Variants in SEPTIN9 observed in about 807,000 individuals in gnomAD.
SEPTIN9 encodes septin 9.
In SEPTIN9, 13 loss-of-function variants were observed where a neutral mutation model predicts 56.6. The ratio of observed to expected loss-of-function variants is 0.23; its 90% CI spans 0.15 to 0.37. The LOEUF (loss-of-function observed/expected upper bound fraction) is 0.37. SEPTIN9 is among the 10% of genes least tolerant of loss of function. The pLI is 1.00. For missense variants in SEPTIN9, 650 were observed against 823.1 expected, an observed-to-expected ratio of 0.79 and a Z score of 2.57; for synonymous variants, 332 against 334.1, an observed-to-expected ratio of 0.99 and a Z score of 0.07.
intron 2 of SEPTIN9, among the ~76,000 whole-genome samples, chr17:77,390,485 T>C (rs1203878146): frequency 2.5e-5 from 3 of 121,018 alleles, no homozygotes; most frequent in East Asian, 2.7e-4. Flanking sequence ...GGAGTCTCGC[T>C]CTGTCGCCCA....
In SEPTIN9 at chr17:77,475,436, C is replaced by T. The variant is rs2039168126; in HGVS notation, c.722-6708C>T. On this transcript the variant is annotated intron_variant, in intron 3 of 11. Transcript: ENST00000427177. This position sits in a 1 kb window ranked among gnomAD's most constrained non-coding sequence, Gnocchi z 4.6. Reference sequence around the variant, plus strand: ...GACACTGTCCTCCTAGCATTGCCTGCATCAGGGACTCACTCAGCTTTAAGA... The same window carrying T: ...GACACTGTCCTCCTAGCATTGCCTGTATCAGGGACTCACTCAGCTTTAAGA... 5 of 1,515,828 alleles carry T rather than the reference C, an allele frequency of 3.3e-6. No homozygotes were observed. Among genetic ancestry groups the T allele is most frequent in the Non-Finnish European group, 4.4e-6 (5 of 1,135,836 alleles). The allele number at this position is 1,515,828 out of a possible 1,614,324, so 93.9% of individuals were successfully genotyped here. A position where few individuals can be genotyped will look rare whatever the true frequency, so the allele number is the denominator to read the frequency against.
chr17:77,353,953 C>G (rs1483997519), intron 2 of SEPTIN9, among the ~76,000 whole-genome samples: 1 of 152,076 alleles, frequency 6.6e-6, no homozygotes, highest in Admixed American at 6.5e-5. Context: ...AGGTATAGTC[C>G]GTGAGACAGA....
intron 2 of SEPTIN9, chr17:77,376,451 GTGGC>G (rs2034923648): frequency 8.3e-6 from 8 of 964,806 alleles, no homozygotes; most frequent in Non-Finnish European, 9.9e-6. Context: ...CGCTGGGATG[GTGGC>G]CCCAGGGTTC....
intron 3 of SEPTIN9, among the ~76,000 whole-genome samples, chr17:77,422,674 GAAACCGGGCC>G (rs2036748128): frequency 7.3e-6 from 1 of 136,314 alleles, no homozygotes; most frequent in African/African-American, 3.3e-5. Context: ...CCATCCCCAT[GAAACCGGGCC>G]CATCCCCATG....
rs1342482897 is a variant in SEPTIN9, at chr17:77,445,619, G to C, written c.722-36525G>C. Reference sequence around the variant, plus strand: ...TGCTGCTGTGTTGCTGTGTGTTTCAGCAGCACGTGGGTGTCACCACACTTC... The same window carrying C: ...TGCTGCTGTGTTGCTGTGTGTTTCACCAGCACGTGGGTGTCACCACACTTC... On this transcript the variant is annotated intron_variant, in intron 3 of 11. Coordinates refer to ENST00000427177, the MANE Select transcript of SEPTIN9 (RefSeq NM_001113491.2). The surrounding 1 kb of genome is among the most constrained non-coding windows in gnomAD (Gnocchi z 4.7). The C allele has an allele frequency of 1.1e-5, 4 of 365,448 alleles. No individual in the cohort carries two copies. Among genetic ancestry groups the C allele is most frequent in the South Asian group, 6.3e-5 (3 of 47,846 alleles). The allele number at this position is 365,448 out of a possible 1,614,324, so 22.6% of individuals were successfully genotyped here.
intron 2 of SEPTIN9, among the ~76,000 whole-genome samples, chr17:77,396,760 G>A (rs985584592): frequency 1.3e-5 from 2 of 152,192 alleles, no homozygotes; most frequent in Non-Finnish European, 2.9e-5. Flanking sequence ...AATTGCCCAT[G>A]AGGCATCCCT....
intron 2 of SEPTIN9, among the ~76,000 whole-genome samples, chr17:77,401,201 A>G (rs1272737791): frequency 6.6e-6 from 1 of 152,138 alleles, no homozygotes; most frequent in Non-Finnish European, 1.5e-5. Context: ...TTTACATCCC[A>G]GGGTTAAGCG....
Position 77,475,586 on chromosome 17 carries a change from G to A in SEPTIN9, c.722-6558G>A, listed in dbSNP as rs1366656596. 9 of 1,613,462 alleles carry A rather than the reference G, an allele frequency of 5.6e-6. No homozygotes were observed. Among genetic ancestry groups the A allele is most frequent in the Admixed American group, 3.3e-5 (2 of 59,980 alleles). On this transcript the variant is annotated intron_variant, in intron 3 of 11. Coordinates refer to ENST00000427177, the MANE Select transcript of SEPTIN9 (RefSeq NM_001113491.2). The surrounding 1 kb of genome is among the most constrained non-coding windows in gnomAD (Gnocchi z 4.6). Reference sequence around the variant, plus strand: ...CTGCCGCAGGGGTGCTGGCCCCAGGGTCTGGATTCAGGGGAGCCTGCAGAG... The same window carrying A: ...CTGCCGCAGGGGTGCTGGCCCCAGGATCTGGATTCAGGGGAGCCTGCAGAG...
At chr17:77,422,789 C>T (rs1401748638) in intron 3 of SEPTIN9, among the ~76,000 whole-genome samples, 2 of 152,120 alleles carry the variant, frequency 1.3e-5, no homozygotes, top group African/African-American at 2.4e-5. Flanking sequence ...AATTCCCTGC[C>T]GAAATGCAGC....
chr17:77,308,843 G>A (rs1180202027), intron 2 of SEPTIN9, among the ~76,000 whole-genome samples: 1 of 152,240 alleles, frequency 6.6e-6, no homozygotes, highest in Admixed American at 6.5e-5. Flanking sequence ...AGTGGGAGTG[G>A]AGGGGATGCC....
chr17:77,454,100 A>G (rs1308175148), intron 3 of SEPTIN9: 1 of 985,672 alleles, frequency 1.0e-6, no homozygotes, highest in Non-Finnish European at 1.2e-6. Flanking sequence ...AGTAGGGTCA[A>G]TGGCCAGGGT....
At chr17:77,392,130 C>T (rs1305058257) in intron 2 of SEPTIN9, among the ~76,000 whole-genome samples, 2 of 152,196 alleles carry the variant, frequency 1.3e-5, no homozygotes, top group African/African-American at 4.8e-5. Context: ...AAAATCCAAC[C>T]ACAGGCTCTG....
rs2032587938 is a variant in SEPTIN9 at position 77,313,508 on chromosome 17, AG to A, written c.76+6313del. On this transcript the variant is annotated intron_variant, in intron 2 of 11. Coordinates refer to ENST00000427177, the MANE Select transcript of SEPTIN9 (RefSeq NM_001113491.2). The surrounding 1 kb of genome is among the most constrained non-coding windows in gnomAD (Gnocchi z 4.5). ...TAAAAAGTGGAGAAAGATTCCAGAG[AG>A]GAATGCAGCTGGCCTCAGCCTGGGA... 1.3e-5 allele frequency among the ~76,000 whole-genome samples: 2 copies of A among 152,256 alleles called. No homozygotes were observed. The highest frequency in any genetic ancestry group is 4.1e-4 in the South Asian group (2 of 4,828).
At chr17:77,384,134 G>C (rs184423941) in intron 2 of SEPTIN9, among the ~76,000 whole-genome samples, 1,903 of 150,498 alleles carry the variant, frequency 0.013, 20 homozygotes, top group South Asian at 0.043. Flanking sequence ...GATTCGCAAA[G>C]AGGCTGGCGG....
At chr17:77,356,435 G>A (rs2034241665) in intron 2 of SEPTIN9, among the ~76,000 whole-genome samples, 1 of 151,730 alleles carries the variant, frequency 6.6e-6, no homozygotes, top group South Asian at 2.1e-4. Context: ...TGAACTGCCT[G>A]GGAGCCTTGG....
chr17:77,469,602 C>A, intron 3 of SEPTIN9: 1 of 152,382 alleles, frequency 6.6e-6, no homozygotes. Context: ...TGCTGCATCC[C>A]CCCAGGCGGT....
chr17:77,291,248 C>G (rs1220084377), intron 1 of SEPTIN9, among the ~76,000 whole-genome samples: 1 of 149,524 alleles, frequency 6.7e-6, no homozygotes, highest in Non-Finnish European at 1.5e-5. Flanking sequence ...GTTGGTCAGG[C>G]TGGTCTCAAA....
intron 2 of SEPTIN9, among the ~76,000 whole-genome samples, chr17:77,383,664 C>T (rs1052663803): frequency 2.6e-5 from 4 of 152,246 alleles, no homozygotes; most frequent in African/African-American, 9.6e-5. Flanking sequence ...AATAACAGTG[C>T]TACCTGGCTG....
Position 77,326,368 on chromosome 17 carries a change from G to C in SEPTIN9, c.76+19171G>C, listed in dbSNP as rs1010014705. On this transcript the variant is annotated intron_variant, in intron 2 of 11. Transcript: ENST00000427177. The surrounding 1 kb of genome is among the most constrained non-coding windows in gnomAD (Gnocchi z 5.1). ...CACAGGAAGTGACAGGTGTGACAAA[G>C]GGGACCAGTGGCAGGACAGAACCTG... 2.6e-5 allele frequency among the ~76,000 whole-genome samples: 4 copies of C among 151,396 alleles called. No homozygotes were observed. The highest frequency in any genetic ancestry group is 4.8e-5 in the African/African-American group (2 of 41,258).
Sources: gnomAD v4.1 joint callset for allele counts (sites outside exome capture counted in the v4.1 genomes callset) on GRCh38, gnomAD v4.1.1 for gene constraint, Gnocchi (gnomAD v3.1) non-coding constraint, MANE v1.5 for transcripts, NCBI Gene and HGNC (gene_info 2026-07-23, HGNC 2026-07-21) for gene names.